Variants in WWOX observed in about 807,000 individuals in gnomAD.
The protein encoded by WWOX is WW domain-containing oxidoreductase.
In WWOX, 69 loss-of-function variants were observed where a neutral mutation model predicts 46.2. The ratio of observed to expected loss-of-function variants is 1.49; its 90% confidence interval spans 1.23 to 1.82. The LOEUF is 1.82. WWOX is among the 40% of genes most tolerant of loss of function. The probability of loss-of-function intolerance (pLI) is 0.00; values close to 1 mark genes in which losing one functional copy is unlikely to be tolerated. For synonymous variants in WWOX, 359 were observed against 202.6 expected, an observed-to-expected ratio of 1.77 and a Z score of -6.56; for missense variants, 919 against 542.6, an observed-to-expected ratio of 1.69 and a Z score of -6.89.
At chr16:78,901,272 A>G (rs910139953) in intron 8 of WWOX, among the ~76,000 whole-genome samples, 1 of 152,256 alleles carries the variant, frequency 6.6e-6, no homozygotes, top group Non-Finnish European at 1.5e-5. Context: ...GTGGGAGGAC[A>G]AAAGATCACA....
intron 8 of WWOX, among the ~76,000 whole-genome samples, chr16:78,702,157 G>GCAGTGT (rs1372284380): frequency 7.2e-6 from 1 of 138,328 alleles, no homozygotes; most frequent in African/African-American, 3.1e-5. Flanking sequence ...GCATGCAACT[G>GCAGTGT]CAGTGTCAGC....
At chr16:78,690,458 G>C (rs1028652679) in intron 8 of WWOX, among the ~76,000 whole-genome samples, 3 of 152,134 alleles carry the variant, frequency 2.0e-5, no homozygotes, top group Non-Finnish European at 2.9e-5. Flanking sequence ...AAGCTGAGAT[G>C]GGAGGATTGC....
chr16:78,988,396 G>T (rs1443289265), intron 8 of WWOX, among the ~76,000 whole-genome samples: 1 of 151,478 alleles, frequency 6.6e-6, no homozygotes. Flanking sequence ...CTCAGAGGTA[G>T]TAATAGGGGT....
intron 8 of WWOX, among the ~76,000 whole-genome samples, chr16:78,608,941 A>G (rs898622210): frequency 3.3e-5 from 5 of 152,198 alleles, no homozygotes; most frequent in Admixed American, 6.5e-5. Context: ...ACTAGCAGCA[A>G]TAAAATCTCT....
chr16:79,089,072 A>G (rs2048905247), intron 8 of WWOX, among the ~76,000 whole-genome samples: 1 of 152,124 alleles, frequency 6.6e-6, no homozygotes, highest in South Asian at 2.1e-4. Flanking sequence ...TTCTGTATGC[A>G]GTTAATACAG....
At chr16:78,313,378 T>G (rs1030698261) in intron 5 of WWOX, among the ~76,000 whole-genome samples, 1 of 152,182 alleles carries the variant, frequency 6.6e-6, no homozygotes, top group Non-Finnish European at 1.5e-5. Flanking sequence ...TCTTTTTTCT[T>G]TTTTTGAGAT....
At chr16:78,628,621 A>T (rs1022249061) in intron 8 of WWOX, among the ~76,000 whole-genome samples, 2 of 150,430 alleles carry the variant, frequency 1.3e-5, no homozygotes, top group Non-Finnish European at 3.0e-5. Context: ...TATTCCAGCA[A>T]TTTTTTTTTT....
chr16:79,112,737 G>A (rs564351129), intron 8 of WWOX, among the ~76,000 whole-genome samples: 38 of 152,216 alleles, frequency 2.5e-4, no homozygotes, highest in African/African-American at 8.7e-4. Context: ...ATATAGAGTC[G>A]TAGAATTTTA....
At chr16:78,263,407 G>A (rs938734167) in intron 5 of WWOX, among the ~76,000 whole-genome samples, 22 of 152,136 alleles carry the variant, frequency 1.4e-4, no homozygotes, top group Admixed American at 8.5e-4. Flanking sequence ...TGTGGGGTCC[G>A]GCTCCCCTGA....
chr16:78,925,951 G>T (rs376158257), intron 8 of WWOX, among the ~76,000 whole-genome samples: 1 of 152,168 alleles, frequency 6.6e-6, no homozygotes, highest in East Asian at 1.9e-4. Flanking sequence ...CGATTGGGCA[G>T]AAAGACTGTG....
intron 8 of WWOX, among the ~76,000 whole-genome samples, chr16:79,093,460 G>C (rs2049005365): frequency 6.6e-6 from 1 of 151,992 alleles, no homozygotes; most frequent in Non-Finnish European, 1.5e-5. Context: ...GCTTTTATTT[G>C]CCTAAAAATT....
chr16:78,238,524 A>G (rs1434500390), intron 5 of WWOX, among the ~76,000 whole-genome samples: 1 of 152,150 alleles, frequency 6.6e-6, no homozygotes, highest in Non-Finnish European at 1.5e-5. Flanking sequence ...CTGAATAATC[A>G]TATTTTCACT....
intron 8 of WWOX, among the ~76,000 whole-genome samples, chr16:78,911,369 T>C (rs1014101): frequency 0.15 from 23,496 of 152,048 alleles, 2,260 homozygotes; most frequent in East Asian, 0.46. Flanking sequence ...TGCTGTTTTA[T>C]TAGGCATGGA....
intron 8 of WWOX, among the ~76,000 whole-genome samples, chr16:78,842,058 G>A (rs1193574687): frequency 6.6e-6 from 1 of 152,152 alleles, no homozygotes; most frequent in Non-Finnish European, 1.5e-5. Flanking sequence ...GGGACCAGGA[G>A]GATCTGAGCT....
chr16:79,073,162 A>G (rs1435418207), intron 8 of WWOX, among the ~76,000 whole-genome samples: 2 of 142,106 alleles, frequency 1.4e-5, no homozygotes, highest in Non-Finnish European at 3.0e-5. Context: ...TATTATTATT[A>G]TTATTATTAT....
rs1289896219 is a variant in WWOX, at chr16:78,339,743, A to G, written c.517-47117A>G. On this transcript the variant is annotated intron_variant, in intron 5 of 8. Transcript: ENST00000566780. ...ATTTTGCTTCAGAGTTTTAAATTCT[A>G]TTTTGTGGCTTTCTGTGTTGTTCTC... Among the ~76,000 whole-genome samples the G allele has an allele frequency of 3.4e-5, 4 of 117,204 alleles. 1 individual carries two copies. Among genetic ancestry groups the G allele is most frequent in the Non-Finnish European group, 6.1e-5 (3 of 49,436 alleles). 76.9% of individuals were successfully genotyped at this position (117,204 alleles called of 152,430 possible). A position where few individuals can be genotyped will look rare whatever the true frequency, so the allele number is the denominator to read the frequency against.
intron 6 of WWOX, among the ~76,000 whole-genome samples, chr16:78,418,975 GA>G (rs1163597889): frequency 1.3e-5 from 2 of 151,338 alleles, no homozygotes; most frequent in Admixed American, 6.6e-5. Context: ...CAAAAGAATG[GA>G]AAAAAAAGAT....
chr16:78,778,217 G>A (rs1023024459), intron 8 of WWOX, among the ~76,000 whole-genome samples: 13 of 152,026 alleles, frequency 8.6e-5, no homozygotes, highest in African/African-American at 3.1e-4. Flanking sequence ...ATACCAGGCA[G>A]CCTATTTCTT....
intron 8 of WWOX, among the ~76,000 whole-genome samples, chr16:79,027,893 C>G (rs1051369241): frequency 1.3e-5 from 2 of 151,738 alleles, no homozygotes; most frequent in African/African-American, 4.9e-5. Flanking sequence ...GAGATAATGT[C>G]TCAGTGTTTG....
Sources: allele counts gnomAD v4.1 joint callset (sites outside exome capture counted in the v4.1 genomes callset), GRCh38; gene constraint gnomAD v4.1.1; transcripts MANE v1.5; gene names NCBI Gene and HGNC (gene_info 2026-07-23, HGNC 2026-07-21).